Variants in CUBN observed in about 807,000 individuals in gnomAD.
CUBN encodes cubilin, also known as 460 kDa receptor.
Under a neutral mutation model 405.3 loss-of-function variants are expected in CUBN, and 282 were observed. The observed-to-expected ratio is 0.70, with a 90% CI of 0.63 to 0.77. CUBN has a LOEUF of 0.77. CUBN is among the 30% of genes least tolerant of loss of function. The pLI is 0.00. For synonymous variants in CUBN, 1,684 were observed against 1,617.0 expected (o/e 1.04, Z -0.99); for missense variants, 4,514 against 4,475.2 (o/e 1.01, Z -0.25).
intron 59 of CUBN, among the ~76,000 whole-genome samples, chr10:16,866,711 T>C (rs1303163913): frequency 6.6e-6 from 1 of 152,194 alleles, no homozygotes; most frequent in South Asian, 2.1e-4. Context: ...GGATCAATTA[T>C]TCATATAGCA....
intron 40 of CUBN, among the ~76,000 whole-genome samples, chr10:16,930,131 G>T (rs532453433): frequency 6.6e-6 from 1 of 152,278 alleles, no homozygotes; most frequent in East Asian, 1.9e-4. Flanking sequence ...AAGAGGAGGG[G>T]AAGTCAAAGA....
At chr10:16,839,141 T>C (rs1048709073) in intron 62 of CUBN, among the ~76,000 whole-genome samples, 16 of 152,044 alleles carry the variant, frequency 1.1e-4, no homozygotes, top group African/African-American at 3.9e-4. Flanking sequence ...CCAGAGGTGT[T>C]TGTCAAAAAT....
chr10:16,901,940 A>G (rs1841395210), intron 51 of CUBN, among the ~76,000 whole-genome samples: 1 of 134,302 alleles, frequency 7.4e-6, no homozygotes. Flanking sequence ...CACACACCAT[A>G]TATAGTATAT....
At chr10:17,028,227 TTATTA>T (rs1834713938) in intron 27 of CUBN, among the ~76,000 whole-genome samples, 1 of 1,072 alleles carries the variant, frequency 9.3e-4, no homozygotes, top group Non-Finnish European at 4.8e-3. Context: ...CACTAAACAT[TTATTA>T]TTATTATTAT....
At chr10:16,974,939 T>C (rs1833048116) in intron 31 of CUBN, among the ~76,000 whole-genome samples, 1 of 152,236 alleles carries the variant, frequency 6.6e-6, no homozygotes, top group Admixed American at 6.5e-5. Context: ...ATACAGTATG[T>C]AATATATAAA....
chr10:16,855,099 C>CCCTT (rs1261577164), intron 59 of CUBN, among the ~76,000 whole-genome samples: 80 of 114,952 alleles, frequency 7.0e-4, no homozygotes, highest in Admixed American at 2.4e-3. Flanking sequence ...CTCCCTCCTT[C>CCCTT]CCTTCCTTCC....
At chr10:16,930,770 C>T (rs963408077) in intron 40 of CUBN, among the ~76,000 whole-genome samples, 2 of 152,140 alleles carry the variant, frequency 1.3e-5, no homozygotes, top group Non-Finnish European at 2.9e-5. Flanking sequence ...TGGGGTAGCC[C>T]AGGAAGGTTC....
chr10:16,844,515 C>A (rs945808495), intron 60 of CUBN, among the ~76,000 whole-genome samples: 5 of 152,110 alleles, frequency 3.3e-5, no homozygotes, highest in Non-Finnish European at 7.3e-5. Context: ...GATGTAAGAT[C>A]AGATTTGGGT....
chr10:16,907,652 G>C lies in CUBN; in HGVS notation c.7561C>G (p.Pro2521Ala), dbSNP rs1345488022. Residue 2521 changes from proline (P) to alanine (A), a missense_variant, in exon 49 of 67, where the codon CCC (proline) becomes GCC (alanine). By Grantham distance (27) the Pro-to-Ala change is conservative (BLOSUM62 -1). This residue lies in a region of CUBN where 1,613 missense variants were observed against 1,542.8 expected (regional missense o/e 1.05). Coordinates refer to ENST00000377833, the MANE Select transcript of CUBN (RefSeq NM_001081.4). ...IVFNGIRSNS[P>A]QLEKLCSSVN... ...CTACTACACAGTTTCTCTAGCTGGG[G>C]TGAGTTACTTCTAATGCCATTGAAT... 1.9e-6 allele frequency: 3 copies of C among 1,612,342 alleles called. No individual in the cohort carries two copies. Among genetic ancestry groups the C allele is most frequent in the East Asian group, 4.5e-5 (2 of 44,886 alleles).
At chr10:17,114,856 T>A (rs1836852573) in intron 7 of CUBN, among the ~76,000 whole-genome samples, 1 of 152,208 alleles carries the variant, frequency 6.6e-6, no homozygotes, top group South Asian at 2.1e-4. Context: ...AGACTGGTCC[T>A]TTTATATTCC....
rs764965091 is a variant in CUBN, at chr10:17,122,787, A to G, written c.593+8T>C. 5 of 1,593,006 alleles carry G rather than the reference A, an allele frequency of 3.1e-6. No homozygotes were observed. Among genetic ancestry groups the G allele is most frequent in the East Asian group, 2.2e-5 (1 of 44,742 alleles). On this transcript the variant is annotated splice_region_variant and intron_variant, in intron 6 of 66. Coordinates refer to ENST00000377833, the MANE Select transcript of CUBN (RefSeq NM_001081.4). ...CTGATATTTACCAAAAAAAAAAAAA[A>G]AAGTTACCTGTAACTTCCCATTGTA...
At chr10:16,888,336 A>T (rs1022685622) in intron 56 of CUBN, 81 bp downstream of exon 56, 1 of 1,107,518 alleles carries the variant, frequency 9.0e-7, no homozygotes, top group African/African-American at 1.5e-5. Flanking sequence ...ACATGTACAT[A>T]TGTCAAAACA....
At chr10:17,087,466 C>A (rs370580287) in intron 15 of CUBN, among the ~76,000 whole-genome samples, 3 of 79,788 alleles carry the variant, frequency 3.8e-5, no homozygotes, top group East Asian at 7.6e-4. Context: ...TATTATTTTT[C>A]TTTTTCTTTT....
chr10:16,920,055 C>G lies in CUBN; in HGVS notation c.6729G>C (p.Pro2243=), dbSNP rs757609735. 6.2e-7 allele frequency: 1 copy of G among 1,613,768 alleles called. No homozygotes were observed. Among genetic ancestry groups the G allele is most frequent in the South Asian group, 1.1e-5 (1 of 91,066 alleles). Residue 2243 remains proline (P), a synonymous_variant, in exon 44 of 67, where the codon CCG becomes CCC. Coordinates refer to ENST00000377833, the MANE Select transcript of CUBN (RefSeq NM_001081.4). Reference sequence around the variant, plus strand: ...CTAAGATCCAAATGCAATCAGCGTGCGGGGGATAATTATGAGGGTGGTTGG... The same window carrying G: ...CTAAGATCCAAATGCAATCAGCGTGGGGGGGATAATTATGAGGGTGGTTGG... ...TSPNHPHNYP[P]HADCIWILAA... is the part of the protein sequence containing the mutation.
rs775461743 is a variant in CUBN at position 16,982,663 on chromosome 10, G to C, written c.4526-10C>G. The C allele has an allele frequency of 6.2e-7, 1 of 1,609,932 alleles. No individual in the cohort carries two copies. The highest frequency in any genetic ancestry group is 8.5e-7 in the Non-Finnish European group (1 of 1,177,354). ...AAAATCCCACCACAACCTGGAAGTG[G>C]GGAACACAATTATTTCATGAGAGGA... On this transcript the variant is annotated splice_polypyrimidine_tract_variant and intron_variant, in intron 30 of 66. Transcript: ENST00000377833.
intron 39 of CUBN, among the ~76,000 whole-genome samples, chr10:16,936,937 G>A (rs549893166): frequency 6.6e-6 from 1 of 151,958 alleles, no homozygotes; most frequent in Admixed American, 6.6e-5. Flanking sequence ...GGCTAGTCTC[G>A]AACTCCCGAC....
chr10:16,885,648 G>C (rs1046039423), intron 56 of CUBN, among the ~76,000 whole-genome samples: 11 of 240 alleles, frequency 0.046, no homozygotes, highest in Non-Finnish European at 0.082. Context: ...TTTCTCACCT[G>C]ATAACTGAGC....
chr10:16,910,644 A>G (rs1841703194), intron 48 of CUBN, among the ~76,000 whole-genome samples: 2 of 152,112 alleles, frequency 1.3e-5, no homozygotes, highest in South Asian at 4.1e-4. Flanking sequence ...ATCAGCAGAC[A>G]TTTAGGGAAG....
At chr10:16,950,234 C>T (rs1842893112) in intron 33 of CUBN, 123 bp from the exon 34 acceptor site, 3 of 693,668 alleles carry the variant, frequency 4.3e-6, no homozygotes, top group South Asian at 3.0e-5. Context: ...ATGAGTAAGA[C>T]CTGTTTGATA....
Sources: gnomAD v4.1 joint callset for allele counts (sites outside exome capture counted in the v4.1 genomes callset) on GRCh38, gnomAD v4.1.1 for gene constraint, gnomAD v4.1.1 regional missense constraint, MANE v1.5 for transcripts, NCBI Gene and HGNC (gene_info 2026-07-23, HGNC 2026-07-21) for gene names.